Variants in THSD7A observed in about 807,000 individuals in gnomAD.
THSD7A encodes the protein thrombospondin type 1 domain containing 7A.
In THSD7A, 96 loss-of-function variants were observed where a neutral mutation model predicts 231.3. That is an observed-to-expected ratio of 0.41 (90% CI 0.35 to 0.49). The LOEUF (loss-of-function observed/expected upper bound fraction) is 0.49. Among genes scored for constraint, THSD7A ranks in the 20% least tolerant of loss-of-function variants. The pLI is 0.05. For missense variants in THSD7A, 2,290 were observed against 2,070.2 expected (o/e 1.11, Z -2.06); for synonymous variants, 940 against 743.3 (o/e 1.26, Z -4.30).
intron 23 of THSD7A, among the ~76,000 whole-genome samples, chr7:11,390,480 G>A (rs1156969159): frequency 6.6e-6 from 1 of 152,158 alleles, no homozygotes; most frequent in East Asian, 1.9e-4. Context: ...TATCTAAACT[G>A]GTTATTCATG....
chr7:11,417,651 A>T (rs755711020), intron 16 of THSD7A, 48 bp from the exon 17 acceptor site: 1 of 1,558,032 alleles, frequency 6.4e-7, no homozygotes, highest in Non-Finnish European at 8.6e-7. Context: ...TACATTCTAG[A>T]AGTAAAGAAA....
chr7:11,681,921 C>T (rs1003865979), intron 1 of THSD7A, among the ~76,000 whole-genome samples: 7 of 151,852 alleles, frequency 4.6e-5, no homozygotes, highest in African/African-American at 1.7e-4. Context: ...TCAGCACAAA[C>T]CTTACAAGCC....
At chr7:11,493,471 G>T (rs906013279) in intron 6 of THSD7A, among the ~76,000 whole-genome samples, 1 of 152,048 alleles carries the variant, frequency 6.6e-6, no homozygotes, top group African/African-American at 2.4e-5. Flanking sequence ...ATGGACAGGG[G>T]AAGATATTAG....
intron 2 of THSD7A, among the ~76,000 whole-genome samples, chr7:11,607,148 T>C (rs548246895): frequency 2.6e-5 from 4 of 152,292 alleles, no homozygotes; most frequent in Admixed American, 2.6e-4. Flanking sequence ...AAAAAGATTA[T>C]ATTTAAAATT....
rs1179314558 is a variant in THSD7A at position 11,517,395 on chromosome 7, A to T, written c.1822+24024T>A. Among the ~76,000 whole-genome samples, 3 of 147,684 alleles carry T rather than the reference A, an allele frequency of 2.0e-5. No individual in the cohort carries two copies. In the South Asian group the frequency reaches 6.6e-4, roughly 32 times the overall value. On this transcript the variant is annotated intron_variant, in intron 6 of 27. Coordinates refer to ENST00000423059, the MANE Select transcript of THSD7A (RefSeq NM_015204.3). ...GCCCGGCCCCCATATCATTATTTTT[A>T]AAAAATCACAAAACTACATTTTTAA...
intron 1 of THSD7A, among the ~76,000 whole-genome samples, chr7:11,785,684 T>G (rs1783767978): frequency 6.6e-6 from 1 of 152,130 alleles, no homozygotes; most frequent in South Asian, 2.1e-4. Context: ...TGATAGAGTA[T>G]TAAAATAATG....
At chr7:11,610,280 C>A (rs550781201) in intron 2 of THSD7A, among the ~76,000 whole-genome samples, 3 of 152,090 alleles carry the variant, frequency 2.0e-5, no homozygotes, top group Non-Finnish European at 4.4e-5. Flanking sequence ...CCCTATCAGA[C>A]TTTCACTCCC....
intron 23 of THSD7A, 85 bp from the exon 24 acceptor site, chr7:11,382,701 T>TTTTCA: frequency 9.9e-7 from 1 of 1,012,984 alleles, no homozygotes; most frequent in Non-Finnish European, 1.5e-6. Flanking sequence ...AACATATTAC[T>TTTTCA]GAAAAGTAAT....
intron 4 of THSD7A, among the ~76,000 whole-genome samples, chr7:11,553,109 A>G (rs76772823): frequency 0.035 from 5,383 of 152,118 alleles, 181 homozygotes; most frequent in African/African-American, 0.077. Flanking sequence ...CAGACAACAT[A>G]GCTGCTTCAG....
At position 11,517,845 on chromosome 7, in the gene THSD7A, C is replaced by A. The variant is rs370734741; in HGVS notation, c.1822+23574G>T. 4.5e-4 allele frequency among the ~76,000 whole-genome samples: 68 copies of A among 152,328 alleles called. No individual in the cohort carries two copies. In the East Asian group the frequency reaches 6.9e-3, roughly 16 times the overall value. ...TCAGGTGCCTTTGAGAAAAATTTAA[C>A]ATTTATAACTGAAGAACCAACAGAG... is the stretch of plus-strand genomic sequence containing the variant. On this transcript the variant is annotated intron_variant, in intron 6 of 27. Transcript: ENST00000423059.
At chr7:11,785,163 G>C (rs1240297344) in intron 1 of THSD7A, among the ~76,000 whole-genome samples, 1 of 152,100 alleles carries the variant, frequency 6.6e-6, no homozygotes, top group Non-Finnish European at 1.5e-5. Context: ...GCCAGTCTTA[G>C]CTTCACTGTA....
chr7:11,744,684 C>T (rs1309030354), intron 1 of THSD7A, among the ~76,000 whole-genome samples: 4 of 148,570 alleles, frequency 2.7e-5, no homozygotes, highest in Middle Eastern at 3.6e-3. Context: ...TGAGTGAGAA[C>T]ATGCGGTGTT....
At chr7:11,717,774 T>C (rs144960471) in intron 1 of THSD7A, among the ~76,000 whole-genome samples, 4 of 151,618 alleles carry the variant, frequency 2.6e-5, no homozygotes, top group African/African-American at 9.7e-5. Context: ...GAAGTAGATA[T>C]GAAGTATTAT....
chr7:11,415,474 T>C (rs1783929069), intron 17 of THSD7A, among the ~76,000 whole-genome samples: 1 of 152,230 alleles, frequency 6.6e-6, no homozygotes, highest in East Asian at 1.9e-4. Flanking sequence ...ACACTGATGC[T>C]ATCAATCACA....
intron 4 of THSD7A, among the ~76,000 whole-genome samples, chr7:11,560,131 T>C (rs1040734389): frequency 1.3e-5 from 2 of 152,166 alleles, no homozygotes; most frequent in African/African-American, 4.8e-5. Flanking sequence ...TCCACATACA[T>C]GTCATCAGAA....
intron 1 of THSD7A, among the ~76,000 whole-genome samples, chr7:11,685,755 A>T (rs988626639): frequency 6.6e-6 from 1 of 151,814 alleles, no homozygotes; most frequent in African/African-American, 2.4e-5. Flanking sequence ...AAGGGAATGC[A>T]TACACTGTGG....
chr7:11,485,133 C>T (rs1786601814), intron 6 of THSD7A, among the ~76,000 whole-genome samples: 1 of 152,004 alleles, frequency 6.6e-6, no homozygotes, highest in Admixed American at 6.5e-5. Flanking sequence ...TCATGATCTG[C>T]CTGCCTCAGC....
Position 11,769,153 on chromosome 7 carries a change from A to ATATTT in THSD7A, c.190+62603_190+62604insAAATA. Among the ~76,000 whole-genome samples the ATATTT allele has an allele frequency of 4.5e-3, 124 of 27,620 alleles. 4 individuals are homozygous for ATATTT. Among genetic ancestry groups the ATATTT allele is most frequent in the South Asian group, 0.011 (8 of 700 alleles). The allele number at this position is 27,620 out of a possible 152,430, so 18.1% of individuals were successfully genotyped here. A position where few individuals can be genotyped will look rare whatever the true frequency, so the allele number is the denominator to read the frequency against. On this transcript the variant is annotated intron_variant, in intron 1 of 27. Transcript: ENST00000423059. Reference sequence around the variant, plus strand: ...TATATATATATATATATATATATATATTTTTTTTTTTTTTTGGTATTTTTG... The same window carrying ATATTT: ...TATATATATATATATATATATATATATATTTTTTTTTTTTTTTTTTGGTATTTTTG...
At chr7:11,453,487 T>C (rs147237152) in intron 11 of THSD7A, among the ~76,000 whole-genome samples, 5 of 152,026 alleles carry the variant, frequency 3.3e-5, no homozygotes, top group African/African-American at 1.2e-4. Context: ...CCAAATTATG[T>C]TGGCTTCCAT....
Sources: allele counts gnomAD v4.1 joint callset (sites outside exome capture counted in the v4.1 genomes callset), GRCh38; gene constraint gnomAD v4.1.1; transcripts MANE v1.5; gene names NCBI Gene and HGNC (gene_info 2026-07-23, HGNC 2026-07-21).